Variants in ABCA4 observed in about 807,000 individuals in gnomAD.
The protein encoded by ABCA4 is ATP binding cassette subfamily A member 4.
Under a neutral mutation model 263.7 loss-of-function variants are expected in ABCA4, and 196 were observed. The ratio of observed to expected loss-of-function variants is 0.74; its 90% CI spans 0.66 to 0.84. The LOEUF (loss-of-function observed/expected upper bound fraction) is 0.84. Ranked by LOEUF, ABCA4 falls within the 40% of genes least tolerant of loss-of-function variation. The pLI, the probability that ABCA4 is intolerant of heterozygous loss-of-function variation, is 0.00. For missense variants in ABCA4, 2,792 were observed against 2,855.1 expected (o/e 0.98, Z 0.50); for synonymous variants, 1,133 against 1,094.2 (o/e 1.04, Z -0.70).
chr1:94,055,773 T>C (rs1045030632), intron 15 of ABCA4, among the ~76,000 whole-genome samples: 1 of 152,178 alleles, frequency 6.6e-6, no homozygotes, highest in Non-Finnish European at 1.5e-5. Context: ...TTATTTAACC[T>C]AAGAAATGAA....
rs764759172 is a variant in ABCA4 at position 94,080,691 on chromosome 1, AG to A, written c.885del (p.Leu296CysfsTer4). ...QEFIHRPSMQ[D>X]LLWVTRPLMQ... ...ATGAGGGGCCTGGTCACCCACAGCA[AG>A]TCCTGCATACTCGGCCGATGGATAA... On this transcript the variant is annotated frameshift_variant, in exon 8 of 50. Coordinates refer to ENST00000370225, the MANE Select transcript of ABCA4 (RefSeq NM_000350.3). LOFTEE classifies it high-confidence loss of function. 14 of 1,614,150 alleles carry A rather than the reference AG, an allele frequency of 8.7e-6. No homozygotes were observed. Among genetic ancestry groups the A allele is most frequent in the South Asian group, 5.5e-5 (5 of 91,076 alleles).
chr1:93,994,351 G>GCT (rs1658942544), intron 49 of ABCA4, among the ~76,000 whole-genome samples: 1 of 152,176 alleles, frequency 6.6e-6, no homozygotes, highest in Non-Finnish European at 1.5e-5. Flanking sequence ...GAGTAAAAAT[G>GCT]TTCTTGGTAA....
At chr1:94,113,497 A>C (rs4147807) in intron 1 of ABCA4, among the ~76,000 whole-genome samples, 2 of 152,130 alleles carry the variant, frequency 1.3e-5, no homozygotes, top group Non-Finnish European at 2.9e-5. Flanking sequence ...CTCACTCTGC[A>C]GTTAAGGAAA....
chr1:94,055,224 C>G lies in ABCA4; in HGVS notation c.2474G>C (p.Gly825Ala). ...TTCGTCCCCTTCCGTGGGACTGTTCCCGATGTTGCTCCACTGCAGCCCCAG... is the reference window on the plus strand; with the variant it reads ...TTCGTCCCCTTCCGTGGGACTGTTCGCGATGTTGCTCCACTGCAGCCCCAG... Reference protein sequence around the residue: ...QGLGLQWSNIGNSPTEGDEFS... With the variant: ...QGLGLQWSNIANSPTEGDEFS... The change falls in exon 16 of 50, where the codon GGG (glycine) becomes GCG (alanine). Residue 825 changes from glycine (G) to alanine (A), a missense_variant. By Grantham distance (60) the Gly-to-Ala change is moderately conservative. Transcript: ENST00000370225. 6.2e-7 allele frequency: 1 copy of G among 1,614,142 alleles called. No homozygotes were observed. The highest frequency in any genetic ancestry group is 1.1e-5 in the South Asian group (1 of 91,072).
chr1:94,004,092 T>C (rs1298417245), intron 44 of ABCA4, among the ~76,000 whole-genome samples: 4 of 152,176 alleles, frequency 2.6e-5, no homozygotes, highest in African/African-American at 4.8e-5. Flanking sequence ...AAAGCCTGAG[T>C]GCTAAGTGTG....
At chr1:94,103,533 T>C (rs1386527699) in intron 4 of ABCA4, among the ~76,000 whole-genome samples, 2 of 152,028 alleles carry the variant, frequency 1.3e-5, no homozygotes, top group East Asian at 3.9e-4. Flanking sequence ...GAGGTGCTGG[T>C]GGGTAGAGGC....
chr1:94,010,531 G>C, intron 40 of ABCA4: 1 of 565,088 alleles, frequency 1.8e-6, no homozygotes, highest in East Asian at 3.4e-5. Context: ...ATACACATTT[G>C]GTAATTAAAT....
At chr1:94,096,216 G>C (rs1346873316) in intron 6 of ABCA4, among the ~76,000 whole-genome samples, 1 of 152,208 alleles carries the variant, frequency 6.6e-6, no homozygotes, top group African/African-American at 2.4e-5. Context: ...TGAAGTCAAG[G>C]CTGCACCCTA....
chr1:94,041,414 G>C lies in ABCA4; in HGVS notation c.3329-12C>G, dbSNP rs746469629. 6.2e-7 allele frequency: 1 copy of C among 1,613,222 alleles called. No individual in the cohort carries two copies. The highest frequency in any genetic ancestry group is 8.5e-7 in the Non-Finnish European group (1 of 1,179,972). ...GATGATGGTTCTGCCTGCAAGGTAG[G>C]GGCCAGGGCAATCACCAGGCCTGCC... is the stretch of plus-strand genomic sequence containing the variant. On this transcript the variant is annotated splice_polypyrimidine_tract_variant and intron_variant, in intron 22 of 49. Transcript: ENST00000370225.
In ABCA4 at chr1:94,080,488, G is replaced by A; in HGVS notation, c.1089C>T (p.Asp363=). 1 of 1,614,182 alleles carries A rather than the reference G, an allele frequency of 6.2e-7. No individual in the cohort carries two copies. The highest frequency in any genetic ancestry group is 8.5e-7 in the Non-Finnish European group (1 of 1,180,028). The change falls in exon 8 of 50, where the codon GAC becomes GAT. Residue 363 remains aspartate (D), a synonymous_variant. Transcript: ENST00000370225. Reference sequence around the variant, plus strand: ...ACTCAGAAAACTTACTTGTTCTTCTGTCATAAGAATAGATAGGATCCTTCC... The same window carrying A: ...ACTCAGAAAACTTACTTGTTCTTCTATCATAAGAATAGATAGGATCCTTCC... ...STRKDPIYSY[D]RRTTSFCNAL... is the part of the protein sequence containing the mutation.
Position 94,113,081 on chromosome 1 carries a change from C to T in ABCA4, c.67-15G>A, listed in dbSNP as rs1436764230. 13 of 1,611,978 alleles carry T rather than the reference C, an allele frequency of 8.1e-6. No homozygotes were observed. Among genetic ancestry groups the T allele is most frequent in the South Asian group, 1.1e-5 (1 of 91,026 alleles). ...ACAAAGCGAATCTGGAAAAACAAAA[C>T]AAAAAGAGAGAAAGTTCAGTGGTGC... On this transcript the variant is annotated splice_polypyrimidine_tract_variant and intron_variant, in intron 1 of 49. Transcript: ENST00000370225.
At chr1:94,040,891 C>A (rs1014014624) in intron 23 of ABCA4, among the ~76,000 whole-genome samples, 1 of 152,120 alleles carries the variant, frequency 6.6e-6, no homozygotes, top group African/African-American at 2.4e-5. Flanking sequence ...GAAGCTCAAC[C>A]AATTGCTCTT....
intron 5 of ABCA4, among the ~76,000 whole-genome samples, chr1:94,102,324 C>T (rs1325414718): frequency 1.3e-5 from 2 of 152,078 alleles, no homozygotes; most frequent in Non-Finnish European, 2.9e-5. Context: ...CAGAAGTGGG[C>T]TCTTCTGCAG....
intron 44 of ABCA4, among the ~76,000 whole-genome samples, chr1:94,002,825 A>G (rs1170560225): frequency 6.6e-6 from 1 of 151,574 alleles, no homozygotes; most frequent in Non-Finnish European, 1.5e-5. Context: ...AGGACTTTTC[A>G]CTCTCTAATG....
intron 27 of ABCA4, 121 bp from the exon 28 acceptor site, chr1:94,031,241 G>A: frequency 7.3e-7 from 1 of 1,363,522 alleles, no homozygotes; most frequent in Non-Finnish European, 1.0e-6. Flanking sequence ...AGCCCCTGGT[G>A]GAGAGGGTTG....
At chr1:94,118,229 A>G (rs1321679964) in intron 1 of ABCA4, among the ~76,000 whole-genome samples, 1 of 152,180 alleles carries the variant, frequency 6.6e-6, no homozygotes, top group East Asian at 1.9e-4. Flanking sequence ...TGATGCACTT[A>G]GTACAGTGCC....
intron 36 of ABCA4, among the ~76,000 whole-genome samples, chr1:94,018,138 C>G (rs1430901842): frequency 6.6e-6 from 1 of 152,244 alleles, no homozygotes; most frequent in Non-Finnish European, 1.5e-5. Context: ...GATGTCCACT[C>G]TATCCTAGCT....
intron 43 of ABCA4, among the ~76,000 whole-genome samples, chr1:94,006,876 T>C (rs1196504772): frequency 6.6e-6 from 1 of 152,192 alleles, no homozygotes; most frequent in African/African-American, 2.4e-5. Context: ...GGCACCTCTA[T>C]TGTGTGTGCT....
intron 6 of ABCA4, among the ~76,000 whole-genome samples, chr1:94,094,468 G>A (rs1248102353): frequency 6.6e-6 from 1 of 152,162 alleles, no homozygotes; most frequent in Non-Finnish European, 1.5e-5. Context: ...AGCAGTGGTT[G>A]GGGGACAGAA....
Sources: gnomAD v4.1 joint callset for allele counts (sites outside exome capture counted in the v4.1 genomes callset) on GRCh38, gnomAD v4.1.1 for gene constraint, MANE v1.5 for transcripts, NCBI Gene and HGNC (gene_info 2026-07-23, HGNC 2026-07-21) for gene names.